Variants in AP5M1 observed in about 807,000 individuals in gnomAD.
The protein encoded by AP5M1 is adaptor related protein complex 5 subunit mu 1.
In AP5M1, 44 loss-of-function variants were observed where a neutral mutation model predicts 52.3. The ratio of observed to expected loss-of-function variants is 0.84; its 90% CI spans 0.66 to 1.08. The LOEUF (loss-of-function observed/expected upper bound fraction) is 1.08, where lower values mean the gene tolerates loss of function less well. Ranked by LOEUF, AP5M1 falls within the 50% of genes least tolerant of loss-of-function variation. The pLI is 0.00. For missense variants in AP5M1, 526 were observed against 568.4 expected (o/e 0.93, Z 0.76); for synonymous variants, 213 against 199.0 (o/e 1.07, Z -0.59).
At chr14:57,280,498 C>T (rs1346807136) in intron 3 of AP5M1, 76 bp downstream of exon 3, 8 of 973,740 alleles carry the variant, frequency 8.2e-6, no homozygotes, top group East Asian at 2.5e-5. Context: ...ATAATTCATA[C>T]TCTTGGTATG....
At chr14:57,273,689 G>A in intron 1 of AP5M1, 3 of 701,744 alleles carry the variant, frequency 4.3e-6, no homozygotes, top group South Asian at 1.5e-5. Flanking sequence ...TTACTAAAAT[G>A]ATCTTCCATG....
intron 7 of AP5M1, among the ~76,000 whole-genome samples, chr14:57,288,116 TATGAAGAAGGGC>T (rs1226001325): frequency 6.6e-6 from 1 of 152,010 alleles, no homozygotes; most frequent in African/African-American, 2.4e-5. Flanking sequence ...TTCTTTTCAT[TATGAAGAAGGGC>T]ATGAAGAAGA....
chr14:57,292,463 A>G lies in AP5M1; in HGVS notation c.*3579A>G, dbSNP rs1885457279. 3 of 151,980 alleles carry G rather than the reference A, an allele frequency of 2.0e-5. No individual in the cohort carries two copies. In the South Asian group the frequency reaches 6.2e-4, roughly 31 times the overall value. The allele number at this position is 151,980 out of a possible 1,614,324, so 9.4% of individuals were successfully genotyped here. A position where few individuals can be genotyped will look rare whatever the true frequency, so the allele number is the denominator to read the frequency against. ...GCCAAGAATGCAATTTATTTTCAGT[A>G]TTTGAAGATGTAAAGTCCTGTCTGC... On this transcript the variant is annotated 3_prime_UTR_variant, in exon 8 of 8. Coordinates refer to ENST00000261558, the MANE Select transcript of AP5M1 (RefSeq NM_018229.4).
chr14:57,293,167 A>G lies in AP5M1; in HGVS notation c.*4283A>G, dbSNP rs559066833. The G allele has an allele frequency of 2.0e-5, 3 of 151,760 alleles. No homozygotes were observed. Among genetic ancestry groups the G allele is most frequent in the African/African-American group, 7.2e-5 (3 of 41,496 alleles). 9.4% of individuals were successfully genotyped at this position (151,760 alleles called of 1,614,324 possible). On this transcript the variant is annotated 3_prime_UTR_variant, in exon 8 of 8. Coordinates refer to ENST00000261558, the MANE Select transcript of AP5M1 (RefSeq NM_018229.4). ...CAATTTGCTGTTTAAAACTGTTTCA[A>G]TAGCAATGTCAGTCTTTATCTTGTA...
chr14:57,270,921 A>G (rs1315525666), intron 1 of AP5M1, among the ~76,000 whole-genome samples: 2 of 152,228 alleles, frequency 1.3e-5, no homozygotes, highest in African/African-American at 2.4e-5. Flanking sequence ...AGCATGTCCA[A>G]TAGAATTCTC....
intron 2 of AP5M1, among the ~76,000 whole-genome samples, chr14:57,279,222 A>G (rs1028582078): frequency 1.3e-5 from 2 of 152,222 alleles, no homozygotes; most frequent in South Asian, 4.1e-4. Context: ...ATAAAGATAC[A>G]TACACACGTA....
intron 1 of AP5M1, 57 bp downstream of exon 1, chr14:57,269,445 T>C: frequency 6.3e-7 from 1 of 1,579,938 alleles, no homozygotes; most frequent in Non-Finnish European, 8.7e-7. Flanking sequence ...TGAAGTAGCA[T>C]AGTTTTGTGG....
At chr14:57,277,703 T>C (rs1193964052) in intron 2 of AP5M1, among the ~76,000 whole-genome samples, 1 of 113,362 alleles carries the variant, frequency 8.8e-6, no homozygotes, top group Non-Finnish European at 1.6e-5. Context: ...TGTCAAATAG[T>C]AGGTAAAACA....
At chr14:57,287,403 C>A (rs370749588) in intron 7 of AP5M1, among the ~76,000 whole-genome samples, 5 of 152,170 alleles carry the variant, frequency 3.3e-5, no homozygotes, top group East Asian at 1.9e-4. Flanking sequence ...GTAATGTAAC[C>A]AGAATAAACC....
intron 4 of AP5M1, among the ~76,000 whole-genome samples, chr14:57,282,688 C>T (rs1273644333): frequency 6.6e-6 from 1 of 152,116 alleles, no homozygotes; most frequent in Non-Finnish European, 1.5e-5. Flanking sequence ...CGTATTAATA[C>T]ATTTCGTATG....
At position 57,288,853 on chromosome 14, in the gene AP5M1, C is replaced by G; in HGVS notation, c.1442C>G (p.Ala481Gly). 1 of 1,581,756 alleles carries G rather than the reference C, an allele frequency of 6.3e-7. No individual in the cohort carries two copies. Among genetic ancestry groups the G allele is most frequent in the Non-Finnish European group, 8.7e-7 (1 of 1,153,346 alleles). ...DYYIWNSKAP[A>G]PVTYGSLLL ...TACATCTGGAATTCTAAAGCCCCTG[C>G]TCCAGTAACATATGGATCATTATTA... Residue 481 changes from alanine (A) to glycine (G), a missense_variant, in exon 8 of 8, where the codon GCT (alanine) becomes GGT (glycine). Around this residue, in one of 3 missense-constraint regions of AP5M1, gnomAD observed 97 missense variants for 121.3 expected, o/e 0.80. Coordinates refer to ENST00000261558, the MANE Select transcript of AP5M1 (RefSeq NM_018229.4).
Position 57,274,498 on chromosome 14 carries a change from C to T in AP5M1, c.329C>T (p.Pro110Leu). Reference sequence around the variant, plus strand: ...AATGACATGATATATGCTTGTGTTCCACTAGTTGAACAAACTCTGTCCCCT... The same window carrying T: ...AATGACATGATATATGCTTGTGTTCTACTAGTTGAACAAACTCTGTCCCCT... Reference protein sequence around the residue: ...LKNDMIYACVPLVEQTLSPRP... With the variant: ...LKNDMIYACVLLVEQTLSPRP... The change falls in exon 2 of 8, where the codon CCA becomes CTA. Residue 110 changes from proline (P) to leucine (L), a missense_variant. Physicochemically the swap from Pro to Leu is moderately conservative, Grantham distance 98 (BLOSUM62 -3). Coordinates refer to ENST00000261558, the MANE Select transcript of AP5M1 (RefSeq NM_018229.4). The T allele has an allele frequency of 1.2e-6, 2 of 1,614,108 alleles. No individual in the cohort carries two copies. Among genetic ancestry groups the T allele is most frequent in the Non-Finnish European group, 8.5e-7 (1 of 1,180,020 alleles).
intron 1 of AP5M1, among the ~76,000 whole-genome samples, chr14:57,271,805 C>T (rs1484644325): frequency 6.6e-6 from 1 of 152,160 alleles, no homozygotes; most frequent in East Asian, 1.9e-4. Context: ...GTCTTTAACC[C>T]ATATGTAGTC....
chr14:57,287,260 A>G (rs1242424315), intron 7 of AP5M1, among the ~76,000 whole-genome samples: 1 of 152,102 alleles, frequency 6.6e-6, no homozygotes, highest in African/African-American at 2.4e-5. Context: ...AATATTTCTT[A>G]AACTAAGGAT....
intron 7 of AP5M1, among the ~76,000 whole-genome samples, chr14:57,286,925 A>G (rs1348608304): frequency 6.6e-6 from 1 of 152,058 alleles, no homozygotes; most frequent in African/African-American, 2.4e-5. Flanking sequence ...GACAATAAAA[A>G]AGACGTTTCC....
chr14:57,293,737 T>C lies in AP5M1; in HGVS notation c.*4853T>C, dbSNP rs1288226271. The C allele has an allele frequency of 6.6e-6, 1 of 151,654 alleles. No homozygotes were observed. The highest frequency in any genetic ancestry group is 2.4e-5 in the African/African-American group (1 of 41,382). The allele number at this position is 151,654 out of a possible 1,614,324, so 9.4% of individuals were successfully genotyped here. On this transcript the variant is annotated 3_prime_UTR_variant, in exon 8 of 8. Transcript: ENST00000261558. Reference sequence around the variant, plus strand: ...TATATATATATATACACACAACATATATATACAAGTATATGAATTTACGTA... The same window carrying C: ...TATATATATATATACACACAACATACATATACAAGTATATGAATTTACGTA...
intron 2 of AP5M1, chr14:57,278,363 C>T (rs1002673421): frequency 2.0e-5 from 3 of 152,202 alleles, no homozygotes; most frequent in African/African-American, 7.2e-5. Flanking sequence ...CCATATCTGT[C>T]TGTTATGACC....
Position 57,298,228 on chromosome 14 carries a change from C to T in AP5M1, c.*9344C>T, listed in dbSNP as rs193231873. On this transcript the variant is annotated 3_prime_UTR_variant, in exon 8 of 8. Coordinates refer to ENST00000261558, the MANE Select transcript of AP5M1 (RefSeq NM_018229.4). ...GAGACCTGATATGCTATGACTCTCC[C>T]TATCCTATAAAGCCACAGCTTTCAG... 18 of 152,312 alleles carry T rather than the reference C, an allele frequency of 1.2e-4. No homozygotes were observed. The highest frequency in any genetic ancestry group is 3.6e-4 in the African/African-American group (15 of 41,560). The allele number at this position is 152,312 out of a possible 1,614,324, so 9.4% of individuals were successfully genotyped here.
chr14:57,287,546 T>C (rs1420469385), intron 7 of AP5M1, among the ~76,000 whole-genome samples: 1 of 152,112 alleles, frequency 6.6e-6, no homozygotes, highest in Admixed American at 6.6e-5. Flanking sequence ...TTATGTTAAC[T>C]AAACATACTG....
Sources: allele counts gnomAD v4.1 joint callset (sites outside exome capture counted in the v4.1 genomes callset), GRCh38; gene constraint gnomAD v4.1.1; regional missense constraint gnomAD v4.1.1; transcripts MANE v1.5; gene names NCBI Gene and HGNC (gene_info 2026-07-23, HGNC 2026-07-21).